Variants in TUBGCP3 observed in about 807,000 individuals in gnomAD.
TUBGCP3 encodes the protein tubulin gamma complex component 3.
A neutral mutation model predicts 123.1 loss-of-function variants in TUBGCP3; 50 were observed. The observed-to-expected ratio is 0.41, with a 90% confidence interval of 0.32 to 0.51. The LOEUF (loss-of-function observed/expected upper bound fraction) is 0.51, where lower values mean the gene tolerates loss of function less well. Among genes scored for constraint, TUBGCP3 ranks in the 20% least tolerant of loss-of-function variants. TUBGCP3 has a pLI of 0.36. For missense variants in TUBGCP3, 882 were observed against 1,127.0 expected, an observed-to-expected ratio of 0.78 and a Z score of 3.11; for synonymous variants, 405 against 413.9, an observed-to-expected ratio of 0.98 and a Z score of 0.26.
At chr13:112,486,177 T>C (rs1225668596) in intron 21 of TUBGCP3, 26 bp from the exon 22 acceptor site, 13 of 1,609,214 alleles carry the variant, frequency 8.1e-6, no homozygotes, top group Non-Finnish European at 1.1e-5. Flanking sequence ...AGGAGTAAAA[T>C]ATTGTTTCAG....
At chr13:112,536,898 A>G (rs1487064305) in intron 11 of TUBGCP3, among the ~76,000 whole-genome samples, 1 of 151,862 alleles carries the variant, frequency 6.6e-6, no homozygotes, top group Non-Finnish European at 1.5e-5. Context: ...CAGCCTCCCA[A>G]GAAGCTAGGA....
intron 20 of TUBGCP3, chr13:112,498,657 G>A: frequency 9.8e-7 from 1 of 1,024,066 alleles, no homozygotes; most frequent in Non-Finnish European, 1.4e-6. Flanking sequence ...AGGAGCACCT[G>A]TAGATGCACA....
At chr13:112,488,979 T>C (rs1445123426) in intron 21 of TUBGCP3, among the ~76,000 whole-genome samples, 4 of 80,436 alleles carry the variant, frequency 5.0e-5, no homozygotes, top group Admixed American at 1.6e-4. Context: ...AGCAAAGGGG[T>C]CACCCCCAGG....
chr13:112,539,255 G>A (rs1878306806), intron 11 of TUBGCP3, among the ~76,000 whole-genome samples: 1 of 152,180 alleles, frequency 6.6e-6, no homozygotes, highest in Non-Finnish European at 1.5e-5. Flanking sequence ...GCCCAGAGAG[G>A]TGAAGGTATT....
chr13:112,520,930 C>A (rs1876564640), intron 14 of TUBGCP3, among the ~76,000 whole-genome samples: 1 of 152,180 alleles, frequency 6.6e-6, no homozygotes, highest in African/African-American at 2.4e-5. Flanking sequence ...TCAAATAAAC[C>A]TAAAAACTAG....
chr13:112,605,221 A>C, the TUBGCP3 span: 2 of 152,244 alleles, frequency 1.3e-5, no homozygotes, highest in African/African-American at 4.8e-5. Context: ...AGGCAGGAGA[A>C]TCACTTGAAC....
At position 112,527,461 on chromosome 13, in the gene TUBGCP3, T is replaced by G. The variant is rs1166823287; in HGVS notation, c.1359A>C (p.Thr453=). 1 of 1,612,772 alleles carries G rather than the reference T, an allele frequency of 6.2e-7. No homozygotes were observed. The change falls in exon 12 of 22, where the codon ACA becomes ACC. Residue 453 remains threonine, a synonymous_variant. Coordinates refer to ENST00000261965, the MANE Select transcript of TUBGCP3 (RefSeq NM_006322.6). ...YHEFFVASDP[T]VKTDRLWHDK... ...CGTGCCACAGTCGATCTGTTTTAAC[T>G]GTTGGATCTGATGCTACAAAAAACT... is the stretch of plus-strand genomic sequence containing the variant.
At chr13:112,580,215 T>G (rs961176797) in intron 1 of TUBGCP3, among the ~76,000 whole-genome samples, 1 of 152,162 alleles carries the variant, frequency 6.6e-6, no homozygotes, top group African/African-American at 2.4e-5. Context: ...CACTGAGAAT[T>G]TTTTTAAATG....
chr13:112,507,086 CAA>C (rs1285061721), intron 17 of TUBGCP3, among the ~76,000 whole-genome samples: 2 of 152,198 alleles, frequency 1.3e-5, no homozygotes, highest in East Asian at 1.9e-4. Context: ...TCCAGTGCAG[CAA>C]AGTTATATGA....
In TUBGCP3 at chr13:112,544,220, A is replaced by G. The variant is rs369433249; in HGVS notation, c.1335+1479T>C. On this transcript the variant is annotated intron_variant, in intron 11 of 21. Coordinates refer to ENST00000261965, the MANE Select transcript of TUBGCP3 (RefSeq NM_006322.6). ...TGTAATCCCAGCACTTTGGGAGGCC[A>G]AGGCGGGCAGATCACAAGGTCAGGA... Among the ~76,000 whole-genome samples, 175 of 152,178 alleles carry G rather than the reference A, an allele frequency of 1.1e-3. 1 individual carries two copies. Among genetic ancestry groups the G allele is most frequent in the East Asian group, 3.5e-3 (18 of 5,162 alleles).
intron 2 of TUBGCP3, among the ~76,000 whole-genome samples, chr13:112,566,275 A>G (rs1330625802): frequency 6.6e-6 from 1 of 152,220 alleles, no homozygotes. Flanking sequence ...ACCCACTAGA[A>G]AGGTGCCACT....
intron 2 of TUBGCP3, among the ~76,000 whole-genome samples, chr13:112,565,609 T>C (rs1490504288): frequency 1.3e-5 from 2 of 152,240 alleles, no homozygotes; most frequent in African/African-American, 4.8e-5. Flanking sequence ...TTCATTCCAC[T>C]TGGAAACTAC....
chr13:112,526,947 T>C lies in TUBGCP3; in HGVS notation c.1550A>G (p.Gln517Arg). Residue 517 changes from glutamine (Q) to arginine (R), a missense_variant, in exon 13 of 22, where the codon CAG becomes CGG. Gln to Arg is a conservative substitution (Grantham distance 43). This residue lies in a region of TUBGCP3 where 713 missense variants were observed against 874.0 expected (regional missense o/e 0.82). Coordinates refer to ENST00000261965, the MANE Select transcript of TUBGCP3 (RefSeq NM_006322.6). ...CCCCACCAGCATCATCATACCGTCC[T>C]GGGGTGACTCTGCAGACTTGGTCAC... ...IAVTKSAESP[Q>R]DAADLFTDLE... 1 of 1,612,888 alleles carries C rather than the reference T, an allele frequency of 6.2e-7. No individual in the cohort carries two copies. Among genetic ancestry groups the C allele is most frequent in the Non-Finnish European group, 8.5e-7 (1 of 1,178,856 alleles).
chr13:112,530,066 T>G (rs77890637), intron 11 of TUBGCP3, among the ~76,000 whole-genome samples: 3,691 of 152,298 alleles, frequency 0.024, 69 homozygotes, highest in Middle Eastern at 0.054. Flanking sequence ...GACATAATTC[T>G]CAGGTTGCTT....
At chr13:112,502,050 A>C (rs1298163445) in intron 19 of TUBGCP3, among the ~76,000 whole-genome samples, 1 of 152,196 alleles carries the variant, frequency 6.6e-6, no homozygotes, top group Non-Finnish European at 1.5e-5. Flanking sequence ...TCAGTAGTTC[A>C]AACATTTTCT....
intron 1 of TUBGCP3, among the ~76,000 whole-genome samples, chr13:112,572,077 C>CA (rs781483302): frequency 3.0e-4 from 46 of 152,296 alleles, no homozygotes; most frequent in Non-Finnish European, 5.7e-4. Context: ...ACTGGAATAG[C>CA]ATTTGTAATT....
At chr13:112,499,872 G>A (rs1880789421) in intron 19 of TUBGCP3, among the ~76,000 whole-genome samples, 1 of 152,054 alleles carries the variant, frequency 6.6e-6, no homozygotes, top group African/African-American at 2.4e-5. Flanking sequence ...GGCATGGAAG[G>A]ACACAATGAA....
At chr13:112,488,973 A>C (rs1171221366) in intron 21 of TUBGCP3, among the ~76,000 whole-genome samples, 12 of 99,590 alleles carry the variant, frequency 1.2e-4, no homozygotes, top group South Asian at 7.8e-4. Context: ...CAGGGGAGCA[A>C]AGGGGTCACC....
At chr13:112,498,814 G>A in intron 20 of TUBGCP3, 3 of 1,560,114 alleles carry the variant, frequency 1.9e-6, no homozygotes, top group Non-Finnish European at 2.6e-6. Context: ...TAATTCTCAT[G>A]AATGCTGCTG....
Sources: gnomAD v4.1 joint callset for allele counts (sites outside exome capture counted in the v4.1 genomes callset) on GRCh38, gnomAD v4.1.1 for gene constraint, gnomAD v4.1.1 regional missense constraint, MANE v1.5 for transcripts, NCBI Gene and HGNC (gene_info 2026-07-23, HGNC 2026-07-21) for gene names.